Variants in STPG2 observed in about 807,000 individuals in gnomAD.
The protein encoded by STPG2 is sperm tail PG-rich repeat containing 2.
A neutral mutation model predicts 54.2 loss-of-function variants in STPG2; 56 were observed. That is an observed-to-expected ratio of 1.03 (90% confidence interval 0.83 to 1.29). STPG2 has a LOEUF of 1.29. STPG2 is among the 50% of genes most tolerant of loss of function. STPG2 has a pLI of 0.00. For synonymous variants in STPG2, 200 were observed against 181.8 expected (o/e 1.10, Z -0.81); for missense variants, 596 against 544.9 (o/e 1.09, Z -0.93).
At chr4:97,677,494 T>A (rs1462240639) in intron 10 of STPG2, among the ~76,000 whole-genome samples, 1 of 152,246 alleles carries the variant, frequency 6.6e-6, no homozygotes, top group Non-Finnish European at 1.5e-5. Context: ...CAGAGACTGC[T>A]AATTTTAATA....
chr4:97,933,677 T>C (rs1450824681), intron 8 of STPG2, among the ~76,000 whole-genome samples: 1 of 152,152 alleles, frequency 6.6e-6, no homozygotes, highest in East Asian at 1.9e-4. Flanking sequence ...TGGTTGTAGA[T>C]ATGTGGTATT....
At chr4:97,936,969 T>C (rs1034661397) in intron 8 of STPG2, among the ~76,000 whole-genome samples, 10 of 152,188 alleles carry the variant, frequency 6.6e-5, no homozygotes, top group African/African-American at 2.2e-4. Context: ...TCCTGAACTG[T>C]GTTTTTCAAC....
chr4:97,778,967 C>T (rs766918198), intron 9 of STPG2, among the ~76,000 whole-genome samples: 15 of 152,148 alleles, frequency 9.9e-5, no homozygotes, highest in Non-Finnish European at 1.6e-4. Flanking sequence ...TAGATAAAAC[C>T]ACAAAGATGG....
intron 5 of STPG2, among the ~76,000 whole-genome samples, chr4:98,104,358 T>C (rs1027259849): frequency 1.3e-5 from 2 of 152,166 alleles, no homozygotes; most frequent in South Asian, 4.1e-4. Context: ...AATAAAGCAC[T>C]GAGAAAATGC....
chr4:97,679,651 T>C (rs1413062002), intron 10 of STPG2, among the ~76,000 whole-genome samples: 2 of 152,216 alleles, frequency 1.3e-5, no homozygotes, highest in East Asian at 1.9e-4. Context: ...TTTGTCAATT[T>C]TGGCTTTTGT....
chr4:97,538,117 A>C (rs1731584648), intron 4 of STPG2, among the ~76,000 whole-genome samples: 1 of 152,168 alleles, frequency 6.6e-6, no homozygotes, highest in Non-Finnish European at 1.5e-5. Context: ...AAAAACTGAA[A>C]ATTCTAAAAA....
chr4:97,907,837 C>T (rs558374413), intron 8 of STPG2, among the ~76,000 whole-genome samples: 27 of 152,174 alleles, frequency 1.8e-4, no homozygotes, highest in African/African-American at 6.5e-4. Flanking sequence ...GAAACTGGAT[C>T]CCTTCCTTAC....
At chr4:97,722,890 CG>C (rs1724496508) in intron 9 of STPG2, among the ~76,000 whole-genome samples, 2 of 150,498 alleles carry the variant, frequency 1.3e-5, no homozygotes, top group African/African-American at 2.4e-5. Context: ...TTTAGTCTCC[CG>C]GGTTCACGCC....
At chr4:97,889,151 A>G (rs986535503) in intron 8 of STPG2, among the ~76,000 whole-genome samples, 4 of 152,194 alleles carry the variant, frequency 2.6e-5, no homozygotes, top group Non-Finnish European at 5.9e-5. Context: ...ATACACACCT[A>G]TTATCAAAAA....
chr4:97,787,985 C>T (rs1177071176), intron 9 of STPG2, among the ~76,000 whole-genome samples: 1 of 151,594 alleles, frequency 6.6e-6, no homozygotes. Context: ...GGGTACATAA[C>T]ACAGTTTGAT....
chr4:98,040,004 A>G (rs928876048), intron 5 of STPG2, among the ~76,000 whole-genome samples: 3 of 151,902 alleles, frequency 2.0e-5, no homozygotes, highest in Non-Finnish European at 4.4e-5. Flanking sequence ...TGACTTTTTA[A>G]TAATAGCCAT....
intron 5 of STPG2, among the ~76,000 whole-genome samples, chr4:98,091,992 A>C (rs1738707992): frequency 6.6e-6 from 1 of 152,068 alleles, no homozygotes; most frequent in South Asian, 2.1e-4. Context: ...TATTTATTTT[A>C]TACACATCTT....
intron 10 of STPG2, among the ~76,000 whole-genome samples, chr4:97,663,802 G>A (rs893960431): frequency 3.3e-5 from 5 of 152,084 alleles, no homozygotes; most frequent in Non-Finnish European, 7.4e-5. Flanking sequence ...CAGCAAAGGC[G>A]ATGAAACTAA....
At chr4:98,002,274 G>T (rs1735435085) in intron 5 of STPG2, among the ~76,000 whole-genome samples, 1 of 151,936 alleles carries the variant, frequency 6.6e-6, no homozygotes, top group Non-Finnish European at 1.5e-5. Context: ...ATTATTATGT[G>T]GTAATAAGAA....
At chr4:97,730,351 G>A (rs1366673591) in intron 9 of STPG2, among the ~76,000 whole-genome samples, 1 of 152,162 alleles carries the variant, frequency 6.6e-6, no homozygotes, top group Non-Finnish European at 1.5e-5. Flanking sequence ...TTTTATGGCT[G>A]TGTAGTATGC....
chr4:97,665,257 C>T (rs1302641740), intron 10 of STPG2, among the ~76,000 whole-genome samples: 2 of 152,180 alleles, frequency 1.3e-5, no homozygotes, highest in Non-Finnish European at 2.9e-5. Context: ...TTCAGCCTCA[C>T]CATTCGGCAG....
At chr4:97,578,062 T>C (rs958330432) in intron 10 of STPG2, among the ~76,000 whole-genome samples, 17 of 151,604 alleles carry the variant, frequency 1.1e-4, no homozygotes, top group African/African-American at 4.1e-4. Context: ...AATTAACCTC[T>C]CAGTTTACCA....
At chr4:97,735,493 A>G (rs1724951855) in intron 9 of STPG2, among the ~76,000 whole-genome samples, 1 of 151,086 alleles carries the variant, frequency 6.6e-6, no homozygotes, top group Admixed American at 6.6e-5. Flanking sequence ...CTCAGAATTC[A>G]GTGCTATATA....
intron 9 of STPG2, among the ~76,000 whole-genome samples, chr4:97,773,185 T>C (rs1726268803): frequency 6.6e-6 from 1 of 152,184 alleles, no homozygotes; most frequent in African/African-American, 2.4e-5. Flanking sequence ...TATTTTCTTT[T>C]TTATAAAACA....
Sources: gnomAD v4.1 joint callset for allele counts (sites outside exome capture counted in the v4.1 genomes callset) on GRCh38, gnomAD v4.1.1 for gene constraint, MANE v1.5 for transcripts, NCBI Gene and HGNC (gene_info 2026-07-23, HGNC 2026-07-21) for gene names.